MBTPS1: variants seen among roughly 807,000 people sequenced by gnomAD.
The protein encoded by MBTPS1 is membrane bound transcription factor peptidase, site 1, also known as membrane-bound transcription factor site-1 protease.
In MBTPS1, 94 loss-of-function variants were observed where a neutral mutation model predicts 127.8. That is an observed-to-expected ratio of 0.74 (90% CI 0.62 to 0.87). The LOEUF is 0.87. Ranked by LOEUF, MBTPS1 falls within the 40% of genes least tolerant of loss-of-function variation. The pLI, the probability that MBTPS1 is intolerant of heterozygous loss-of-function variation, is 0.00. For missense variants in MBTPS1, 1,636 were observed against 1,353.2 expected (o/e 1.21, Z -3.28); for synonymous variants, 632 against 509.4 (o/e 1.24, Z -3.24).
At chr16:84,065,388 T>A (rs1597308536) in intron 18 of MBTPS1, among the ~76,000 whole-genome samples, 2 of 152,108 alleles carry the variant, frequency 1.3e-5, no homozygotes, top group African/African-American at 4.8e-5. Flanking sequence ...AAGTGGTGGG[T>A]ACCATTCAAG....
intron 3 of MBTPS1, among the ~76,000 whole-genome samples, chr16:84,098,245 T>C (rs984899645): frequency 2.0e-5 from 3 of 152,206 alleles, no homozygotes; most frequent in African/African-American, 7.2e-5. Flanking sequence ...AGCTGATGCA[T>C]GACCATTCCT....
chr16:84,113,171 T>G (rs2086422672), intron 1 of MBTPS1, among the ~76,000 whole-genome samples: 1 of 152,144 alleles, frequency 6.6e-6, no homozygotes. Context: ...TTGAAAATAT[T>G]AAACTTTTGG....
chr16:84,061,814 T>C (rs1033958308), intron 19 of MBTPS1, among the ~76,000 whole-genome samples: 1 of 152,210 alleles, frequency 6.6e-6, no homozygotes, highest in Admixed American at 6.5e-5. Flanking sequence ...TCTGTTTCCA[T>C]CTTGTTTCTC....
intron 20 of MBTPS1, chr16:84,060,422 T>A (rs1028146376): frequency 2.2e-5 from 9 of 407,354 alleles, no homozygotes; most frequent in Admixed American, 3.6e-5. Context: ...GTAAACACAC[T>A]CAGAGTGGCG....
intron 1 of MBTPS1, among the ~76,000 whole-genome samples, chr16:84,111,292 C>T (rs1228456767): frequency 6.6e-6 from 1 of 152,218 alleles, no homozygotes; most frequent in Non-Finnish European, 1.5e-5. Context: ...GTAATCCCAG[C>T]ACTGTGGGAG....
At chr16:84,066,359 G>A (rs2085682840) in intron 17 of MBTPS1, 130 bp downstream of exon 17, 1 of 919,668 alleles carries the variant, frequency 1.1e-6, no homozygotes, top group Admixed American at 3.2e-5. Flanking sequence ...TGAAAATACT[G>A]GTGAGTTCTT....
chr16:84,070,592 G>C lies in MBTPS1; in HGVS notation c.1778C>G (p.Thr593Arg). 3.1e-6 allele frequency: 5 copies of C among 1,611,674 alleles called. No homozygotes were observed. The highest frequency in any genetic ancestry group is 1.1e-5 in the South Asian group (1 of 90,904). The change falls in exon 13 of 23, where the codon ACA (threonine) becomes AGA (arginine). Residue 593 changes from threonine to arginine, a missense_variant. Coordinates refer to ENST00000343411, the MANE Select transcript of MBTPS1 (RefSeq NM_003791.4). ...CACTTTCCCGCATATCCCTACCTCT[G>C]TCTCTGCTGGGGAAGCCACAGTGAT... ...VMITVASPAE[T>R]ESKNGAEQTS... is the part of the protein sequence containing the mutation.
chr16:84,083,810 G>A (rs995514157), intron 10 of MBTPS1, among the ~76,000 whole-genome samples: 7 of 152,192 alleles, frequency 4.6e-5, no homozygotes, highest in African/African-American at 1.2e-4. Context: ...GATAGAAGAA[G>A]TACAATTTAT....
chr16:84,073,268 G>C (rs1373009854), intron 12 of MBTPS1, among the ~76,000 whole-genome samples: 1 of 152,066 alleles, frequency 6.6e-6, no homozygotes, highest in African/African-American at 2.4e-5. Flanking sequence ...CGAGTAGCTG[G>C]GATTACAAGC....
Sources: gnomAD v4.1 joint callset for allele counts (sites outside exome capture counted in the v4.1 genomes callset) on GRCh38, gnomAD v4.1.1 for gene constraint, MANE v1.5 for transcripts, NCBI Gene and HGNC (gene_info 2026-07-23, HGNC 2026-07-21) for gene names.